DNM3: variants seen among roughly 807,000 people sequenced by gnomAD.
DNM3 encodes the protein dynamin 3, also known as dynamin-3.
DNM3 carries 47 observed loss-of-function variants against 101.6 expected under a neutral mutation model. The ratio of observed to expected loss-of-function variants is 0.46; its 90% CI spans 0.37 to 0.59. The LOEUF (loss-of-function observed/expected upper bound fraction) is 0.59. DNM3 is among the 20% of genes least tolerant of loss of function. The pLI, the probability that DNM3 is intolerant of heterozygous loss-of-function variation, is 0.00. For missense variants in DNM3, 849 were observed against 1,085.7 expected (o/e 0.78, Z 3.06); for synonymous variants, 385 against 387.9 (o/e 0.99, Z 0.09).
At chr1:172,078,985 C>G (rs2052911120) in intron 11 of DNM3, among the ~76,000 whole-genome samples, 1 of 152,170 alleles carries the variant, frequency 6.6e-6, no homozygotes, top group South Asian at 2.1e-4. Flanking sequence ...GCAGATATAT[C>G]CGCTGTTAGT....
intron 10 of DNM3, among the ~76,000 whole-genome samples, chr1:172,056,246 G>A (rs1242097307): frequency 6.6e-6 from 1 of 152,222 alleles, no homozygotes; most frequent in Non-Finnish European, 1.5e-5. Context: ...CAAACTGCAA[G>A]GTGGCAGCGA....
rs1161149092 is a variant in DNM3 at position 172,323,326 on chromosome 1, T to C, written c.1882-3T>C. The C allele has an allele frequency of 5.6e-6, 9 of 1,605,070 alleles. No individual in the cohort carries two copies. The highest frequency in any genetic ancestry group is 4.5e-5 in the East Asian group (2 of 44,698). Reference sequence around the variant, plus strand: ...TTTCTTTTCCTTGCGGCTACATGCATAGGGGAACAACAAAGTAAGTTATTT... The same window carrying C: ...TTTCTTTTCCTTGCGGCTACATGCACAGGGGAACAACAAAGTAAGTTATTT... On this transcript the variant is annotated splice_polypyrimidine_tract_variant and splice_region_variant and intron_variant, in intron 16 of 20. Coordinates refer to ENST00000627582, the MANE Select transcript of DNM3 (RefSeq NM_015569.5).
chr1:172,221,210 A>G (rs1407448160), intron 14 of DNM3, among the ~76,000 whole-genome samples: 1 of 152,160 alleles, frequency 6.6e-6, no homozygotes, highest in African/African-American at 2.4e-5. Context: ...AAACATTTAC[A>G]TAAGAAAAGT....
intron 2 of DNM3, among the ~76,000 whole-genome samples, chr1:171,968,519 C>G (rs567931417): frequency 1.3e-5 from 2 of 152,270 alleles, no homozygotes; most frequent in African/African-American, 4.8e-5. Context: ...GAGGGGACTT[C>G]ATTATCATGC....
intron 14 of DNM3, among the ~76,000 whole-genome samples, chr1:172,174,435 G>C (rs1478611884): frequency 1.3e-5 from 2 of 151,566 alleles, no homozygotes; most frequent in Non-Finnish European, 3.0e-5. Flanking sequence ...GAAGATTTCA[G>C]ACCAAAAAAC....
chr1:172,232,130 G>T (rs974613246), intron 14 of DNM3, among the ~76,000 whole-genome samples: 1 of 152,132 alleles, frequency 6.6e-6, no homozygotes. Flanking sequence ...TCAGTGTGCT[G>T]TATCAGGAAA....
chr1:172,151,962 A>T (rs1330321729), intron 14 of DNM3, among the ~76,000 whole-genome samples: 1 of 151,944 alleles, frequency 6.6e-6, no homozygotes, highest in Admixed American at 6.6e-5. Flanking sequence ...TGCAGCCTCG[A>T]CCTCCTGGGC....
At position 172,019,404 on chromosome 1, in the gene DNM3, G is replaced by A. The variant is rs150089128; in HGVS notation, c.590-12998G>A. Among the ~76,000 whole-genome samples the A allele has an allele frequency of 3.7e-3, 527 of 142,434 alleles. 7 individuals are homozygous for A. The highest frequency in any genetic ancestry group is 0.014 in the African/African-American group (511 of 36,542). The allele number at this position is 142,434 out of a possible 152,430, so 93.4% of individuals were successfully genotyped here. On this transcript the variant is annotated intron_variant, in intron 4 of 20. Transcript: ENST00000627582. ...ATTTGCAATCCTTTACTTCTTTCAA[G>A]ATTTTTATTTTTGCTTTTTTTTTTT... is the stretch of plus-strand genomic sequence containing the variant.
At chr1:172,038,139 G>A (rs1028802208) in intron 6 of DNM3, among the ~76,000 whole-genome samples, 180 bp from the exon 7 acceptor site, 1 of 152,172 alleles carries the variant, frequency 6.6e-6, no homozygotes, top group African/African-American at 2.4e-5. Context: ...GGCAGTGGAG[G>A]AGGGAGTTGG....
chr1:172,208,992 G>A (rs896476773), intron 14 of DNM3, among the ~76,000 whole-genome samples: 6 of 152,052 alleles, frequency 3.9e-5, no homozygotes, highest in Admixed American at 3.3e-4. Context: ...GGTTGGGAAA[G>A]CTCTGTCATG....
At chr1:172,192,210 G>C (rs1392343540) in intron 14 of DNM3, among the ~76,000 whole-genome samples, 1 of 152,056 alleles carries the variant, frequency 6.6e-6, no homozygotes, top group African/African-American at 2.4e-5. Flanking sequence ...GTGAAGGGCT[G>C]TTGAATTTCG....
At chr1:172,043,569 T>C (rs1391168351) in intron 8 of DNM3, among the ~76,000 whole-genome samples, 1 of 152,178 alleles carries the variant, frequency 6.6e-6, no homozygotes, top group Non-Finnish European at 1.5e-5. Context: ...GGAGCCAGGC[T>C]TCTGAGCTGA....
chr1:172,084,177 T>A (rs2053363420), intron 12 of DNM3, among the ~76,000 whole-genome samples: 1 of 152,166 alleles, frequency 6.6e-6, no homozygotes, highest in Non-Finnish European at 1.5e-5. Flanking sequence ...TCAAATGGAA[T>A]AATAATCCTT....
At chr1:172,103,253 C>G (rs1212249900) in intron 13 of DNM3, among the ~76,000 whole-genome samples, 5 of 152,062 alleles carry the variant, frequency 3.3e-5, no homozygotes, top group African/African-American at 9.7e-5. Flanking sequence ...TAAAAATAGA[C>G]AAATATTGTA....
At chr1:172,182,424 G>T (rs1018246909) in intron 14 of DNM3, among the ~76,000 whole-genome samples, 10 of 152,044 alleles carry the variant, frequency 6.6e-5, no homozygotes, top group Non-Finnish European at 1.3e-4. Context: ...TACCTTAAAT[G>T]GTACTAGAGA....
intron 2 of DNM3, among the ~76,000 whole-genome samples, chr1:171,945,587 G>C (rs2125431416): frequency 6.6e-6 from 1 of 152,310 alleles, no homozygotes; most frequent in East Asian, 1.9e-4. Context: ...AATGGAGGAA[G>C]TTGACCGTAG....
chr1:172,116,977 G>C (rs946700567), intron 13 of DNM3, among the ~76,000 whole-genome samples: 1 of 152,042 alleles, frequency 6.6e-6, no homozygotes, highest in African/African-American at 2.4e-5. Context: ...AGGCTGAGGT[G>C]GGCGGATCAC....
chr1:171,933,804 A>AGAGT (rs1231243871), intron 2 of DNM3, among the ~76,000 whole-genome samples: 4 of 152,168 alleles, frequency 2.6e-5, no homozygotes, highest in Non-Finnish European at 2.9e-5. Flanking sequence ...GAGATATTGG[A>AGAGT]GAGTGAGCTA....
At chr1:172,062,424 G>A (rs1287145957) in intron 10 of DNM3, among the ~76,000 whole-genome samples, 3 of 152,062 alleles carry the variant, frequency 2.0e-5, no homozygotes, top group African/African-American at 7.2e-5. Context: ...TTGTTTCTTA[G>A]GTGAGGACTT....
Sources: allele counts gnomAD v4.1 joint callset (sites outside exome capture counted in the v4.1 genomes callset), GRCh38; gene constraint gnomAD v4.1.1; transcripts MANE v1.5; gene names NCBI Gene and HGNC (gene_info 2026-07-23, HGNC 2026-07-21).